TOX: variants seen among roughly 807,000 people sequenced by gnomAD.
TOX encodes the protein thymocyte selection associated high mobility group box, also known as thymocyte selection-associated high mobility group box protein TOX.
Under a neutral mutation model 53.7 loss-of-function variants are expected in TOX, and 11 were observed. The ratio of observed to expected loss-of-function variants is 0.20; its 90% confidence interval spans 0.13 to 0.34. TOX has a LOEUF of 0.34. Among genes scored for constraint, TOX ranks in the 10% least tolerant of loss-of-function variants. TOX has a pLI of 1.00. For missense variants in TOX, 570 were observed against 664.6 expected (o/e 0.86, Z 1.56); for synonymous variants, 225 against 245.3 (o/e 0.92, Z 0.77).
intron 5 of TOX, among the ~76,000 whole-genome samples, chr8:58,830,115 TGA>T (rs1464834106): frequency 5.9e-5 from 9 of 152,218 alleles, no homozygotes; most frequent in African/African-American, 2.2e-4. Context: ...AGTATTTAGT[TGA>T]GTTACAAAAT....
At chr8:58,869,532 C>G (rs901526571) in intron 3 of TOX, among the ~76,000 whole-genome samples, 1 of 152,178 alleles carries the variant, frequency 6.6e-6, no homozygotes, top group East Asian at 1.9e-4. Context: ...ATAACTCATG[C>G]TATGAGAACA....
chr8:59,006,579 T>C (rs2129418472), intron 1 of TOX, among the ~76,000 whole-genome samples: 1 of 152,306 alleles, frequency 6.6e-6, no homozygotes, highest in Non-Finnish European at 1.5e-5. Flanking sequence ...AGGACAGAAG[T>C]GCAGTCTTTT....
chr8:59,027,263 A>G (rs898127740), intron 1 of TOX, among the ~76,000 whole-genome samples: 1 of 152,210 alleles, frequency 6.6e-6, no homozygotes, highest in Non-Finnish European at 1.5e-5. Flanking sequence ...AGCATATAAC[A>G]TCTCCAGCAG....
chr8:58,815,515 T>G lies in TOX; in HGVS notation c.1215A>C (p.Pro405=). ...CCATGTTTGCTATAGAGACAGTCAC[T>G]GGCATTTGGTTATTCGGCTTGGGGG... ...NIAPKPNNQM[P]VTVSIANMAV... The change falls in exon 7 of 9, where the codon CCA becomes CCC. Residue 405 remains proline, a synonymous_variant. Coordinates refer to ENST00000361421, the MANE Select transcript of TOX (RefSeq NM_014729.3). The G allele has an allele frequency of 6.2e-7, 1 of 1,614,040 alleles. No homozygotes were observed. Among genetic ancestry groups the G allele is most frequent in the Non-Finnish European group, 8.5e-7 (1 of 1,179,978 alleles).
intron 1 of TOX, among the ~76,000 whole-genome samples, chr8:58,978,524 T>C (rs1341510760): frequency 6.6e-6 from 1 of 152,240 alleles, no homozygotes; most frequent in Non-Finnish European, 1.5e-5. Flanking sequence ...CATTCCCAGA[T>C]GGAAAATGAT....
intron 3 of TOX, among the ~76,000 whole-genome samples, chr8:58,910,509 C>T (rs936997714): frequency 3.2e-4 from 49 of 152,154 alleles, no homozygotes; most frequent in Admixed American, 2.4e-3. Flanking sequence ...GCCATGTATG[C>T]AATGGATATA....
chr8:58,915,826 A>T (rs1812009005), intron 3 of TOX, among the ~76,000 whole-genome samples: 1 of 146,348 alleles, frequency 6.8e-6, no homozygotes, highest in Admixed American at 6.8e-5. Flanking sequence ...AGAATGTATA[A>T]CTAGAATAAC....
chr8:59,056,387 G>A (rs914136262), intron 1 of TOX, among the ~76,000 whole-genome samples: 4 of 131,276 alleles, frequency 3.0e-5, no homozygotes, highest in East Asian at 4.8e-4. Flanking sequence ...AGCTATGATC[G>A]TGCCACTGCA....
intron 1 of TOX, among the ~76,000 whole-genome samples, chr8:59,009,190 CT>C (rs201760713): frequency 7.5e-5 from 11 of 146,374 alleles, no homozygotes; most frequent in Non-Finnish European, 1.2e-4. Flanking sequence ...TTTCTTTATT[CT>C]TTTTTTTTCT....
At chr8:59,069,597 C>T (rs542462806) in intron 1 of TOX, among the ~76,000 whole-genome samples, 3 of 152,082 alleles carry the variant, frequency 2.0e-5, no homozygotes, top group Non-Finnish European at 4.4e-5. Context: ...CAGGGAATGT[C>T]GGCACTTATG....
intron 3 of TOX, among the ~76,000 whole-genome samples, chr8:58,877,767 CAT>C (rs1013479526): frequency 6.6e-6 from 1 of 152,110 alleles, no homozygotes; most frequent in Non-Finnish European, 1.5e-5. Flanking sequence ...AGTGTACTAA[CAT>C]GTGCAGGCCT....
Position 58,975,262 on chromosome 8 carries a change from A to C in TOX, c.103-15254T>G, listed in dbSNP as rs201033107. 4.3e-4 allele frequency among the ~76,000 whole-genome samples: 59 copies of C among 138,064 alleles called. 1 individual carries two copies. The highest frequency in any genetic ancestry group is 4.1e-3 in the South Asian group (17 of 4,176). The allele number at this position is 138,064 out of a possible 152,430, so 90.6% of individuals were successfully genotyped here. On this transcript the variant is annotated intron_variant, in intron 1 of 8. Transcript: ENST00000361421. The stretch of plus-strand genomic sequence containing the variant: ...TATATATATACACACACACACACAC[A>C]CCCCCACACAGAGAGAGAGAGAGAG...
At chr8:58,906,452 T>G (rs1811816346) in intron 3 of TOX, among the ~76,000 whole-genome samples, 1 of 152,258 alleles carries the variant, frequency 6.6e-6, no homozygotes, top group African/African-American at 2.4e-5. Context: ...CGTCACATTA[T>G]AAAATGTTTA....
intron 3 of TOX, among the ~76,000 whole-genome samples, chr8:58,930,015 G>A (rs865965331): frequency 6.6e-6 from 1 of 152,174 alleles, no homozygotes; most frequent in Non-Finnish European, 1.5e-5. Context: ...GAATAGGTTA[G>A]AAATGATCAG....
At chr8:58,982,462 A>T (rs1813224199) in intron 1 of TOX, among the ~76,000 whole-genome samples, 1 of 152,116 alleles carries the variant, frequency 6.6e-6, no homozygotes, top group Admixed American at 6.5e-5. Context: ...TCTCAAGTTG[A>T]TTGTGTTCAA....
At chr8:58,877,966 C>T in intron 3 of TOX, among the ~76,000 whole-genome samples, 1 of 151,982 alleles carries the variant, frequency 6.6e-6, no homozygotes, top group East Asian at 1.9e-4. Flanking sequence ...CTCTAGGTTA[C>T]CCTGACTGGG....
intron 1 of TOX, among the ~76,000 whole-genome samples, chr8:59,092,362 TATATA>T (rs1804639053): frequency 7.7e-6 from 1 of 129,456 alleles, no homozygotes; most frequent in Admixed American, 8.6e-5. Context: ...ATATTATATA[TATATA>T]ATAAAAAATA....
intron 1 of TOX, among the ~76,000 whole-genome samples, chr8:59,088,574 G>T (rs1352049626): frequency 6.6e-6 from 1 of 152,184 alleles, no homozygotes; most frequent in Non-Finnish European, 1.5e-5. Flanking sequence ...GGATAAAACA[G>T]AAAGCTGATA....
chr8:59,066,498 A>C (rs1585998363), intron 1 of TOX, among the ~76,000 whole-genome samples: 1 of 152,208 alleles, frequency 6.6e-6, no homozygotes, highest in Non-Finnish European at 1.5e-5. Context: ...GTCAAATCCC[A>C]TAATATTAAA....
Sources: gnomAD v4.1 joint callset for allele counts (sites outside exome capture counted in the v4.1 genomes callset) on GRCh38, gnomAD v4.1.1 for gene constraint, MANE v1.5 for transcripts, NCBI Gene and HGNC (gene_info 2026-07-23, HGNC 2026-07-21) for gene names.